Variants in CYP7B1 observed in about 807,000 individuals in gnomAD.
CYP7B1 encodes the protein cytochrome P450 family 7 subfamily B member 1, also known as cytochrome P450 7B1.
In CYP7B1, 29 loss-of-function variants were observed where a neutral mutation model predicts 42.7. That is an observed-to-expected ratio of 0.68 (90% CI 0.51 to 0.93). The LOEUF is 0.93. Among genes scored for constraint, CYP7B1 ranks in the 40% least tolerant of loss-of-function variants. The pLI is 0.00. For missense variants in CYP7B1, 655 were observed against 600.5 expected (o/e 1.09, Z -0.95); for synonymous variants, 235 against 218.2 (o/e 1.08, Z -0.68).
downstream of CYP7B1, among the ~76,000 whole-genome samples, chr8:64,589,146 C>T (rs1805003912): frequency 1.3e-5 from 2 of 152,210 alleles, no homozygotes; most frequent in South Asian, 4.1e-4. Flanking sequence ...AGCTCACACA[C>T]TCAAACTATC....
intron 1 of CYP7B1, among the ~76,000 whole-genome samples, chr8:64,709,728 T>C (rs1807052786): frequency 6.6e-6 from 1 of 152,144 alleles, no homozygotes; most frequent in African/African-American, 2.4e-5. Context: ...ATAAACGGCA[T>C]ACACAGTGTA....
intron 1 of CYP7B1, among the ~76,000 whole-genome samples, chr8:64,777,605 C>T (rs1299480455): frequency 1.3e-5 from 2 of 152,052 alleles, no homozygotes; most frequent in Non-Finnish European, 2.9e-5. Flanking sequence ...AACTTTATTA[C>T]ATAGACCCTA....
chr8:64,597,007 C>G, intron 5 of CYP7B1, 78 bp from the exon 6 acceptor site: 2 of 1,278,514 alleles, frequency 1.6e-6, no homozygotes, highest in Non-Finnish European at 2.2e-6. Flanking sequence ...TGCTAGCTCT[C>G]TCTGCCTGTC....
At chr8:64,725,502 T>C (rs1331039394) in intron 1 of CYP7B1, among the ~76,000 whole-genome samples, 1 of 152,298 alleles carries the variant, frequency 6.6e-6, no homozygotes, top group African/African-American at 2.4e-5. Context: ...CTCAATACAT[T>C]GTGATTCTTA....
chr8:64,763,174 G>A (rs981703872), intron 1 of CYP7B1, among the ~76,000 whole-genome samples: 18 of 152,266 alleles, frequency 1.2e-4, no homozygotes, highest in African/African-American at 3.9e-4. Context: ...CCAGCAAGGC[G>A]CCCATTGCTG....
Position 64,633,721 on chromosome 8 carries a change from C to T in CYP7B1, c.123-9182G>A, listed in dbSNP as rs767855679. On this transcript the variant is annotated intron_variant, in intron 1 of 5. Coordinates refer to ENST00000310193, the MANE Select transcript of CYP7B1 (RefSeq NM_004820.5). ...CTTGATTTACAGATTCAATGCAATCCCAATCAAAATTCTAGTAAGATGTTT... is the reference window on the plus strand; with the variant it reads ...CTTGATTTACAGATTCAATGCAATCTCAATCAAAATTCTAGTAAGATGTTT... 4.1e-4 allele frequency among the ~76,000 whole-genome samples: 62 copies of T among 152,060 alleles called. 1 individual carries two copies. Among genetic ancestry groups the T allele is most frequent in the Admixed American group, 3.9e-4 (6 of 15,294 alleles).
intron 1 of CYP7B1, among the ~76,000 whole-genome samples, chr8:64,759,132 C>T (rs1262881008): frequency 6.6e-6 from 1 of 152,186 alleles, no homozygotes; most frequent in Admixed American, 6.5e-5. Context: ...GATTGAGGAA[C>T]TAGCTATAGA....
intron 1 of CYP7B1, among the ~76,000 whole-genome samples, chr8:64,678,602 A>C (rs1054278884): frequency 2.6e-5 from 4 of 152,178 alleles, no homozygotes; most frequent in Admixed American, 1.3e-4. Flanking sequence ...CAGAGTCTAC[A>C]ATCAGTATTT....
intron 1 of CYP7B1, among the ~76,000 whole-genome samples, chr8:64,767,493 G>T (rs1009548099): frequency 1.3e-5 from 2 of 152,210 alleles, no homozygotes; most frequent in Non-Finnish European, 2.9e-5. Flanking sequence ...GGAACCTCAC[G>T]AGGACATAGT....
intron 2 of CYP7B1, among the ~76,000 whole-genome samples, chr8:64,621,221 C>T (rs751265323): frequency 1.6e-4 from 24 of 152,264 alleles, no homozygotes; most frequent in Middle Eastern, 6.8e-3. Flanking sequence ...ATCCAATATT[C>T]GTTGAGAATC....
chr8:64,795,971 T>C (rs1029471159), intron 1 of CYP7B1, among the ~76,000 whole-genome samples: 1 of 152,186 alleles, frequency 6.6e-6, no homozygotes, highest in African/African-American at 2.4e-5. Flanking sequence ...TGTTAAAAAT[T>C]TTTTTACCAT....
At chr8:64,722,819 A>G (rs1233949125) in intron 1 of CYP7B1, among the ~76,000 whole-genome samples, 1 of 150,544 alleles carries the variant, frequency 6.6e-6, no homozygotes, top group Non-Finnish European at 1.5e-5. Flanking sequence ...TAGAAACATA[A>G]GGCCCTGTTC....
chr8:64,702,357 G>C (rs192715256), intron 1 of CYP7B1, among the ~76,000 whole-genome samples: 1 of 152,132 alleles, frequency 6.6e-6, no homozygotes, highest in African/African-American at 2.4e-5. Context: ...GCTTAGGCTG[G>C]CAGCGTATCA....
rs144173271 is a variant in CYP7B1 at position 64,796,770 on chromosome 8, A to G, written c.122+1696T>C. Among the ~76,000 whole-genome samples, 337 of 152,352 alleles carry G rather than the reference A, an allele frequency of 2.2e-3. 1 individual carries two copies. Among genetic ancestry groups the G allele is most frequent in the African/African-American group, 7.6e-3 (315 of 41,588 alleles). ...TGCAAAGTGGAAAATATAAGGTGCA[A>G]CACAGGGTATATTTCCCCACGATTT... On this transcript the variant is annotated intron_variant, in intron 1 of 5. Transcript: ENST00000310193.
intron 1 of CYP7B1, among the ~76,000 whole-genome samples, chr8:64,762,530 A>T (rs568879537): frequency 2.6e-5 from 4 of 152,362 alleles, no homozygotes; most frequent in African/African-American, 9.6e-5. Flanking sequence ...GGTAAAAAAA[A>T]TAGGTTACTT....
intron 1 of CYP7B1, among the ~76,000 whole-genome samples, chr8:64,792,456 G>A (rs1379151462): frequency 6.6e-6 from 1 of 152,160 alleles, no homozygotes; most frequent in Non-Finnish European, 1.5e-5. Flanking sequence ...GACAACTTTT[G>A]CTAGCGGTGG....
At chr8:64,634,583 A>C (rs746652767) in intron 1 of CYP7B1, among the ~76,000 whole-genome samples, 1 of 151,994 alleles carries the variant, frequency 6.6e-6, no homozygotes, top group Non-Finnish European at 1.5e-5. Flanking sequence ...CATCTCAAAA[A>C]AGAAAAAAAA....
At chr8:64,653,259 TAATA>T (rs1441951772) in intron 1 of CYP7B1, among the ~76,000 whole-genome samples, 1 of 152,032 alleles carries the variant, frequency 6.6e-6, no homozygotes, top group Admixed American at 6.5e-5. Context: ...CTACCTAGAC[TAATA>T]AAGAAGAAAA....
chr8:64,719,671 T>C (rs1039189134), intron 1 of CYP7B1, among the ~76,000 whole-genome samples: 2 of 152,198 alleles, frequency 1.3e-5, no homozygotes, highest in Admixed American at 1.3e-4. Flanking sequence ...TTCATCAACC[T>C]CTAACAATAG....
Sources: gnomAD v4.1 joint callset for allele counts (sites outside exome capture counted in the v4.1 genomes callset) on GRCh38, gnomAD v4.1.1 for gene constraint, MANE v1.5 for transcripts, NCBI Gene and HGNC (gene_info 2026-07-23, HGNC 2026-07-21) for gene names.